The following ARNT variants were observed in gnomAD, a reference collection of about 807,000 sequenced individuals.
ARNT encodes class E basic helix-loop-helix protein 2.
ARNT carries 30 observed loss-of-function variants against 105.0 expected under a neutral mutation model. The observed-to-expected ratio is 0.29, with a 90% CI of 0.21 to 0.39. The LOEUF is 0.39. Among genes scored for constraint, ARNT ranks in the 10% least tolerant of loss-of-function variants. The probability of loss-of-function intolerance (pLI) is 1.00; values close to 1 mark genes in which losing one functional copy is unlikely to be tolerated. For missense variants in ARNT, 748 were observed against 978.7 expected (o/e 0.76, Z 3.15); for synonymous variants, 304 against 344.0 (o/e 0.88, Z 1.29).
At chr1:150,844,541 A>C (rs1281874139) in intron 4 of ARNT, among the ~76,000 whole-genome samples, 2 of 152,210 alleles carry the variant, frequency 1.3e-5, no homozygotes, top group Non-Finnish European at 1.5e-5. Context: ...CAGGAGCATC[A>C]GCAACGAACA....
rs1284380151 is a variant in ARNT, at chr1:150,836,533, GA to G, written c.487-41del. The G allele has an allele frequency of 1.3e-6, 2 of 1,575,650 alleles. 1 individual carries two copies. Among genetic ancestry groups the G allele is most frequent in the South Asian group, 2.3e-5 (2 of 87,026 alleles). On this transcript the variant is annotated intron_variant, in intron 6 of 21. Coordinates refer to ENST00000358595, the MANE Select transcript of ARNT (RefSeq NM_001668.4). The stretch of plus-strand genomic sequence containing the variant: ...GAAATAGAAGTTAATATTTTACTCT[GA>G]AAAAACAAGTATTTCTATTCACAGG...
At chr1:150,832,028 T>C (rs1571276816) in intron 9 of ARNT, 125 bp from the exon 10 acceptor site, 1 of 762,060 alleles carries the variant, frequency 1.3e-6, no homozygotes, top group Non-Finnish European at 2.1e-6. Flanking sequence ...TAATCATCTT[T>C]CCCACCCAAA....
At chr1:150,815,424 C>T (rs985333382) in intron 19 of ARNT, among the ~76,000 whole-genome samples, 1 of 151,550 alleles carries the variant, frequency 6.6e-6, no homozygotes, top group African/African-American at 2.4e-5. Context: ...GGCGAGCACC[C>T]TGTAGTCCCA....
chr1:150,843,569 A>G (rs1339059363), intron 4 of ARNT, among the ~76,000 whole-genome samples: 2 of 152,240 alleles, frequency 1.3e-5, no homozygotes, highest in African/African-American at 4.8e-5. Flanking sequence ...CAAGAGAAGG[A>G]GAACTGAGTG....
At chr1:150,860,199 G>T (rs1665363764) in intron 1 of ARNT, among the ~76,000 whole-genome samples, 1 of 132,504 alleles carries the variant, frequency 7.5e-6, no homozygotes, top group Non-Finnish European at 1.6e-5. Flanking sequence ...GCAACCCATG[G>T]AATAGAAAAA....
rs1156931583 is a variant in ARNT, at chr1:150,819,180, T to C, written c.1395-1150A>G. On this transcript the variant is annotated intron_variant, in intron 14 of 21. Coordinates refer to ENST00000358595, the MANE Select transcript of ARNT (RefSeq NM_001668.4). ...AATTCTACAGAAAGAAAAGATTAAA[T>C]GGCAAGGTGGTAACCTGACAATTGA... is the stretch of plus-strand genomic sequence containing the variant. 2.6e-5 allele frequency among the ~76,000 whole-genome samples: 4 copies of C among 151,406 alleles called. No individual in the cohort carries two copies. In the East Asian group the frequency reaches 7.8e-4, roughly 29 times the overall value.
chr1:150,851,044 C>G (rs587660702), intron 3 of ARNT, among the ~76,000 whole-genome samples: 1 of 150,324 alleles, frequency 6.7e-6, no homozygotes, highest in Non-Finnish European at 1.5e-5. Flanking sequence ...AGCCCCTCCG[C>G]CCGGCAGCCG....
At chr1:150,842,782 C>T (rs1661519591) in intron 4 of ARNT, among the ~76,000 whole-genome samples, 1 of 152,098 alleles carries the variant, frequency 6.6e-6, no homozygotes, top group Admixed American at 6.5e-5. Context: ...ATGATCTAAA[C>T]ACAGAAAGCA....
Position 150,816,300 on chromosome 1 carries a change from G to GT in ARNT, c.1908_1909insA (p.Pro637ThrfsTer23). The stretch of plus-strand genomic sequence containing the variant: ...GAGCGGGTAGTAGGGGTCCAAGTTG[G>GT]GGTTGCTCCTTGGGTGGGGTTGGAG... On this transcript the variant is annotated frameshift_variant, in exon 19 of 22. Transcript: ENST00000358595. LOFTEE classifies it high-confidence loss of function. The GT allele has an allele frequency of 6.2e-7, 1 of 1,607,792 alleles. No homozygotes were observed. The highest frequency in any genetic ancestry group is 1.7e-5 in the Admixed American group (1 of 57,860).
Position 150,817,926 on chromosome 1 carries a change from G to A in ARNT, c.1499C>T (p.Ala500Val). The A allele has an allele frequency of 1.2e-6, 2 of 1,610,500 alleles. No individual in the cohort carries two copies. Among genetic ancestry groups the A allele is most frequent in the Non-Finnish European group, 1.7e-6 (2 of 1,177,730 alleles). The change falls in exon 15 of 22, where the codon GCA becomes GTA. Residue 500 changes from alanine (A) to valine (V), a missense_variant. Physicochemically the swap from Ala to Val is moderately conservative, Grantham distance 64. Coordinates refer to ENST00000358595, the MANE Select transcript of ARNT (RefSeq NM_001668.4). ...TTATTTCACCCTTTTTTACCTGGGT[G>A]CCAGCTGTCCTGAGCCCATCTCCAG... ...LPLEMGSGQL[A>V]PRQQQQQTEL...
chr1:150,868,173 A>G (rs1385674592), intron 1 of ARNT, among the ~76,000 whole-genome samples: 2 of 151,958 alleles, frequency 1.3e-5, no homozygotes, highest in East Asian at 3.9e-4. Flanking sequence ...TCTAGCCCCA[A>G]GCCGGGCACT....
intron 1 of ARNT, among the ~76,000 whole-genome samples, chr1:150,872,592 T>C (rs1302696322): frequency 6.6e-6 from 1 of 152,196 alleles, no homozygotes; most frequent in African/African-American, 2.4e-5. Flanking sequence ...AATTTGGAAT[T>C]GTAAATCAAA....
intron 14 of ARNT, 119 bp from the exon 15 acceptor site, chr1:150,818,149 C>A (rs748905194): frequency 8.9e-6 from 6 of 677,618 alleles, no homozygotes; most frequent in Non-Finnish European, 1.2e-5. Context: ...GTAGGTGGAA[C>A]AATCAATAAA....
At chr1:150,875,617 A>G (rs1668126572) in intron 1 of ARNT, among the ~76,000 whole-genome samples, 1 of 152,236 alleles carries the variant, frequency 6.6e-6, no homozygotes, top group Non-Finnish European at 1.5e-5. Context: ...CTAGACCCCT[A>G]AAATGAAATG....
intron 6 of ARNT, among the ~76,000 whole-genome samples, chr1:150,836,909 AAAC>A (rs1660435257): frequency 6.6e-6 from 1 of 152,038 alleles, no homozygotes; most frequent in Admixed American, 6.6e-5. Context: ...ACAAAAACAA[AAAC>A]AAAACTAGCC....
intron 8 of ARNT, 111 bp downstream of exon 8, chr1:150,834,427 G>A: frequency 9.9e-7 from 1 of 1,013,558 alleles, no homozygotes; most frequent in Admixed American, 1.9e-5. Flanking sequence ...TCTGGGTATG[G>A]AGAGTTAAAT....
In ARNT at chr1:150,832,353, A is replaced by G. The variant is rs150467759; in HGVS notation, c.850T>C (p.Phe284Leu). 25 of 1,614,032 alleles carry G rather than the reference A, an allele frequency of 1.5e-5. No individual in the cohort carries two copies. The highest frequency in any genetic ancestry group is 1.9e-5 in the Non-Finnish European group (23 of 1,180,030). Reference protein sequence around the residue: ...VDPVSVNRLSFVRNRCRNGLG... With the variant: ...VDPVSVNRLSLVRNRCRNGLG... ...TCTCACCTGCATCTGTTCCTCACAA[A>G]GCTCAGCCTATTCACAGAAACTGGG... The change falls in exon 9 of 22, where the codon TTT becomes CTT. Residue 284 changes from phenylalanine to leucine, a missense_variant. Physicochemically the swap from Phe to Leu is conservative, Grantham distance 22 (BLOSUM62 0). Around this residue, in one of 4 missense-constraint regions of ARNT, gnomAD observed 291 missense variants for 444.6 expected, o/e 0.65. Transcript: ENST00000358595.
At chr1:150,832,659 A>G (rs942613672) in intron 8 of ARNT, among the ~76,000 whole-genome samples, 17 of 152,366 alleles carry the variant, frequency 1.1e-4, no homozygotes, top group African/African-American at 4.1e-4. Flanking sequence ...AGGACCAGAT[A>G]GTACATATTT....
chr1:150,848,895 AAAAC>A (rs1662773429), intron 3 of ARNT, among the ~76,000 whole-genome samples: 1 of 152,178 alleles, frequency 6.6e-6, no homozygotes, highest in Non-Finnish European at 1.5e-5. Flanking sequence ...CTTAGTTAAC[AAAAC>A]AAACAAATAA....
Sources: allele counts gnomAD v4.1 joint callset (sites outside exome capture counted in the v4.1 genomes callset), GRCh38; gene constraint gnomAD v4.1.1; regional missense constraint gnomAD v4.1.1; transcripts MANE v1.5; gene names NCBI Gene and HGNC (gene_info 2026-07-23, HGNC 2026-07-21).